Variants in SGCG observed in about 807,000 individuals in gnomAD.
The protein encoded by SGCG is gamma-sarcoglycan.
Under a neutral mutation model 29.3 loss-of-function variants are expected in SGCG, and 26 were observed. The ratio of observed to expected loss-of-function variants is 0.89; its 90% CI spans 0.65 to 1.23. The LOEUF is 1.23. Among genes scored for constraint, SGCG ranks in the 50% most tolerant of loss-of-function variants. SGCG has a pLI of 0.00. For synonymous variants in SGCG, 145 were observed against 129.7 expected (o/e 1.12, Z -0.80); for missense variants, 353 against 356.0 (o/e 0.99, Z 0.07).
intron 1 of SGCG, among the ~76,000 whole-genome samples, chr13:23,192,486 G>A (rs1006648589): frequency 6.6e-6 from 1 of 152,078 alleles, no homozygotes; most frequent in Non-Finnish European, 1.5e-5. Context: ...CTCCACCTCT[G>A]GAGTTTAAAT....
Position 23,320,775 on chromosome 13 carries a change from A to G in SGCG, c.702+15A>G, listed in dbSNP as rs1220492352. On this transcript the variant is annotated intron_variant, in intron 7 of 7. Coordinates refer to ENST00000218867, the MANE Select transcript of SGCG (RefSeq NM_000231.3). ...GTGATGGAATGGTGAGTTCATTCAC[A>G]GATCAGCCTCCTACTGTATGTCCTG... 9 of 1,611,370 alleles carry G rather than the reference A, an allele frequency of 5.6e-6. No homozygotes were observed. The highest frequency in any genetic ancestry group is 7.6e-6 in the Non-Finnish European group (9 of 1,177,976).
chr13:23,296,371 A>G (rs1239826034), intron 6 of SGCG, among the ~76,000 whole-genome samples: 1 of 152,226 alleles, frequency 6.6e-6, no homozygotes, highest in African/African-American at 2.4e-5. Flanking sequence ...ATAAATCCAT[A>G]TTTGCAAAAT....
intron 6 of SGCG, among the ~76,000 whole-genome samples, chr13:23,296,171 T>C (rs1219737914): frequency 6.6e-6 from 1 of 152,216 alleles, no homozygotes; most frequent in Admixed American, 6.5e-5. Context: ...CATATATATA[T>C]TACATTATCC....
At chr13:23,255,078 G>C (rs148159559) in intron 4 of SGCG, among the ~76,000 whole-genome samples, 1 of 152,302 alleles carries the variant, frequency 6.6e-6, no homozygotes, top group African/African-American at 2.4e-5. Context: ...GTCCCTACTG[G>C]GGCATTGCCT....
chr13:23,267,287 C>A (rs566747250), intron 4 of SGCG, among the ~76,000 whole-genome samples: 17 of 152,284 alleles, frequency 1.1e-4, no homozygotes, highest in African/African-American at 3.8e-4. Context: ...TCTGATCCAC[C>A]AGGACCACTG....
the SGCG span, among the ~76,000 whole-genome samples, chr13:23,167,554 C>T: frequency 1.3e-4 from 20 of 152,282 alleles, no homozygotes; most frequent in African/African-American, 4.1e-4. Flanking sequence ...CACGTCCTCG[C>T]CAGCATTTGT....
At chr13:23,314,164 G>T (rs1194306363) in intron 6 of SGCG, among the ~76,000 whole-genome samples, 1 of 142,664 alleles carries the variant, frequency 7.0e-6, no homozygotes, top group Non-Finnish European at 1.5e-5. Flanking sequence ...TATATATATA[G>T]AGTTTTGAAC....
At chr13:23,198,233 A>G (rs1565996111) in intron 1 of SGCG, among the ~76,000 whole-genome samples, 3 of 152,322 alleles carry the variant, frequency 2.0e-5, no homozygotes, top group Admixed American at 6.5e-5. Flanking sequence ...TGCATTTATC[A>G]TCTTTGTGTC....
At chr13:23,283,821 A>T (rs1881397629) in intron 5 of SGCG, among the ~76,000 whole-genome samples, 1 of 152,136 alleles carries the variant, frequency 6.6e-6, no homozygotes, top group African/African-American at 2.4e-5. Flanking sequence ...TGGTGACAAA[A>T]TCTCTCAGCA....
chr13:23,234,356 G>T (rs957456646), intron 2 of SGCG, among the ~76,000 whole-genome samples: 1 of 151,784 alleles, frequency 6.6e-6, no homozygotes, highest in Non-Finnish European at 1.5e-5. Flanking sequence ...TTCTTACATG[G>T]TGATGGGCTC....
intron 4 of SGCG, among the ~76,000 whole-genome samples, chr13:23,273,091 A>G (rs1002035975): frequency 6.6e-6 from 1 of 151,594 alleles, no homozygotes; most frequent in African/African-American, 2.4e-5. Context: ...CTTCCTTGTT[A>G]ATTTCTGCTT....
intron 4 of SGCG, among the ~76,000 whole-genome samples, chr13:23,271,026 A>G (rs1006574121): frequency 1.1e-4 from 16 of 152,278 alleles, no homozygotes; most frequent in African/African-American, 3.8e-4. Context: ...GTTCAAGACC[A>G]TATGGAGAAA....
chr13:23,235,825 C>CCACT (rs1364084031), intron 3 of SGCG, among the ~76,000 whole-genome samples: 3 of 152,108 alleles, frequency 2.0e-5, no homozygotes, highest in Non-Finnish European at 4.4e-5. Flanking sequence ...GCTGTACCAG[C>CCACT]CACTATAGGA....
intron 2 of SGCG, among the ~76,000 whole-genome samples, chr13:23,211,271 G>A (rs1341891612): frequency 3.3e-5 from 5 of 152,294 alleles, no homozygotes; most frequent in Admixed American, 1.3e-4. Flanking sequence ...GGGGAAGGAG[G>A]AGAGGAGCCA....
intron 1 of SGCG, among the ~76,000 whole-genome samples, chr13:23,190,069 G>A (rs55920296): frequency 0.19 from 17,084 of 89,726 alleles, 1,123 homozygotes; most frequent in Non-Finnish European, 0.23. Context: ...TAAAATAAAC[G>A]TTTAAGTGTT....
At chr13:23,312,137 T>C (rs1343861290) in intron 6 of SGCG, among the ~76,000 whole-genome samples, 1 of 152,192 alleles carries the variant, frequency 6.6e-6, no homozygotes, top group African/African-American at 2.4e-5. Flanking sequence ...ACAATGACAA[T>C]TTATTGCATC....
rs375158050 is a variant in SGCG, at chr13:23,251,542, G to A, written c.385+825G>A. ...TCACCCCTGTAATCCCAGCACTTTG[G>A]GAGGCCAGGATGGAAGGATTGCTTG... is the stretch of plus-strand genomic sequence containing the variant. On this transcript the variant is annotated intron_variant, in intron 4 of 7. Transcript: ENST00000218867. 2.0e-4 allele frequency among the ~76,000 whole-genome samples: 31 copies of A among 152,242 alleles called. No individual in the cohort carries two copies. The East Asian group carries it at 6.0e-3, about 29-fold the overall frequency.
At chr13:23,223,428 C>T (rs1322453453) in intron 2 of SGCG, among the ~76,000 whole-genome samples, 2 of 151,908 alleles carry the variant, frequency 1.3e-5, no homozygotes, top group East Asian at 3.9e-4. Flanking sequence ...TACATTATTA[C>T]TTTTGTTCCC....
At chr13:23,218,846 A>C (rs980129570) in intron 2 of SGCG, among the ~76,000 whole-genome samples, 1 of 151,120 alleles carries the variant, frequency 6.6e-6, no homozygotes, top group African/African-American at 2.4e-5. Context: ...AAAACTCAGG[A>C]AAATTATTGT....
Sources: gnomAD v4.1 joint callset for allele counts (sites outside exome capture counted in the v4.1 genomes callset) on GRCh38, gnomAD v4.1.1 for gene constraint, MANE v1.5 for transcripts, NCBI Gene and HGNC (gene_info 2026-07-23, HGNC 2026-07-21) for gene names.